The following LRRC4C variants were observed in gnomAD, a reference collection of about 807,000 sequenced individuals.
LRRC4C encodes the protein leucine rich repeat containing 4C, also known as leucine-rich repeat-containing protein 4C.
A neutral mutation model predicts 33.6 loss-of-function variants in LRRC4C; 5 were observed. The observed-to-expected ratio is 0.15, with a 90% CI of 0.08 to 0.31. The LOEUF is 0.31. LRRC4C is among the 10% of genes least tolerant of loss of function. LRRC4C has a pLI of 1.00. For synonymous variants in LRRC4C, 329 were observed against 302.0 expected (o/e 1.09, Z -0.93); for missense variants, 560 against 796.7 (o/e 0.70, Z 3.58).
At chr11:41,064,745 G>C (rs184629530) in intron 1 of LRRC4C, among the ~76,000 whole-genome samples, 1 of 152,224 alleles carries the variant, frequency 6.6e-6, no homozygotes, top group African/African-American at 2.4e-5. Context: ...ACTGAGACTA[G>C]TTAGGCAATG....
chr11:40,635,769 T>C (rs1226362676), intron 3 of LRRC4C, among the ~76,000 whole-genome samples: 1 of 151,018 alleles, frequency 6.6e-6, no homozygotes, highest in Non-Finnish European at 1.5e-5. Flanking sequence ...TCCGAGTAGC[T>C]GGGACTACAG....
chr11:40,998,319 A>G (rs1159822874), intron 1 of LRRC4C, among the ~76,000 whole-genome samples: 1 of 152,092 alleles, frequency 6.6e-6, no homozygotes, highest in African/African-American at 2.4e-5. Flanking sequence ...GAAATGTGAC[A>G]TTGGTGAAAT....
chr11:40,180,101 C>T (rs1393662312), intron 5 of LRRC4C, among the ~76,000 whole-genome samples: 6 of 152,134 alleles, frequency 3.9e-5, no homozygotes, highest in Non-Finnish European at 8.8e-5. Context: ...AAAACTACTA[C>T]AGAAGTAATT....
intron 3 of LRRC4C, among the ~76,000 whole-genome samples, chr11:40,618,106 A>G (rs1162514693): frequency 6.6e-6 from 1 of 151,708 alleles, no homozygotes; most frequent in Admixed American, 6.6e-5. Context: ...TTCAAAGTTC[A>G]TATCTATTTA....
At position 40,662,778 on chromosome 11, in the gene LRRC4C, C is replaced by T. The variant is rs369972151; in HGVS notation, c.-406-14500G>A. Among the ~76,000 whole-genome samples the T allele has an allele frequency of 3.6e-4, 55 of 152,330 alleles. No individual in the cohort carries two copies. The East Asian group carries it at 7.3e-3, about 20-fold the overall frequency. On this transcript the variant is annotated intron_variant, in intron 2 of 6. Transcript: ENST00000528697. ...TGTGCAAGTTGTTTAACCACTACAACTCAGTTGCTTCATCATTCAAAAGGG... is the reference window on the plus strand; with the variant it reads ...TGTGCAAGTTGTTTAACCACTACAATTCAGTTGCTTCATCATTCAAAAGGG...
intron 3 of LRRC4C, among the ~76,000 whole-genome samples, chr11:40,444,784 T>C (rs745741789): frequency 3.9e-5 from 6 of 152,194 alleles, no homozygotes; most frequent in Non-Finnish European, 8.8e-5. Context: ...ACAAGGACTG[T>C]CAAATTCTCT....
chr11:40,444,628 A>G (rs1951548963), intron 3 of LRRC4C, among the ~76,000 whole-genome samples: 1 of 152,122 alleles, frequency 6.6e-6, no homozygotes, highest in South Asian at 2.1e-4. Context: ...ATAAAGATTT[A>G]CTTTATTCTC....
At chr11:40,522,593 CTAAGA>C (rs140419151) in intron 3 of LRRC4C, among the ~76,000 whole-genome samples, 9,810 of 152,170 alleles carry the variant, frequency 0.064, 825 homozygotes, top group African/African-American at 0.2. Flanking sequence ...TGAAATGTGG[CTAAGA>C]TAACTGAAGA....
chr11:40,726,539 T>C (rs2136732353), intron 2 of LRRC4C, among the ~76,000 whole-genome samples: 1 of 152,226 alleles, frequency 6.6e-6, no homozygotes, highest in African/African-American at 2.4e-5. Context: ...CAGAAAAGCT[T>C]TCTGTAAAAT....
intron 1 of LRRC4C, among the ~76,000 whole-genome samples, chr11:40,994,874 T>G (rs1454809735): frequency 1.3e-5 from 2 of 152,040 alleles, no homozygotes; most frequent in African/African-American, 4.8e-5. Context: ...CTTAAGCATC[T>G]TGTCCTTCCC....
intron 1 of LRRC4C, among the ~76,000 whole-genome samples, chr11:41,061,352 A>T (rs1367776855): frequency 6.6e-6 from 1 of 152,188 alleles, no homozygotes; most frequent in African/African-American, 2.4e-5. Context: ...ATGTTAATAG[A>T]TGTCATATGA....
At chr11:41,033,655 G>A (rs1420582754) in intron 1 of LRRC4C, among the ~76,000 whole-genome samples, 1 of 152,014 alleles carries the variant, frequency 6.6e-6, no homozygotes, top group African/African-American at 2.4e-5. Context: ...GCAGTGCCCA[G>A]AGTTGTTTTA....
chr11:40,588,084 T>C (rs368849397), intron 3 of LRRC4C, among the ~76,000 whole-genome samples: 92 of 151,770 alleles, frequency 6.1e-4, no homozygotes, highest in Non-Finnish European at 1.1e-3. Flanking sequence ...TGGTAGAATT[T>C]GGCTGTGAAT....
intron 3 of LRRC4C, among the ~76,000 whole-genome samples, chr11:40,520,423 T>C (rs985677189): frequency 6.6e-6 from 1 of 152,226 alleles, no homozygotes; most frequent in African/African-American, 2.4e-5. Context: ...CTTGAATACT[T>C]ACTGATTATT....
chr11:40,246,256 A>G (rs2034637), intron 4 of LRRC4C, among the ~76,000 whole-genome samples: 113,436 of 152,078 alleles, frequency 0.75, 46,247 homozygotes, highest in East Asian at 0.96. Flanking sequence ...TTACAGGCAT[A>G]AGCCACCATG....
chr11:41,106,549 A>G (rs1941506646), intron 1 of LRRC4C, among the ~76,000 whole-genome samples: 4 of 152,110 alleles, frequency 2.6e-5, no homozygotes, highest in African/African-American at 7.2e-5. Flanking sequence ...TCATAAGTCT[A>G]TGTTGTCACA....
intron 1 of LRRC4C, among the ~76,000 whole-genome samples, chr11:41,175,617 T>C (rs1945164815): frequency 6.6e-6 from 1 of 152,012 alleles, no homozygotes; most frequent in African/African-American, 2.4e-5. Flanking sequence ...CACCCTTAAC[T>C]TCAAGAGGGT....
chr11:41,214,731 CAGA>C (rs1434070063), intron 1 of LRRC4C, among the ~76,000 whole-genome samples: 4 of 147,330 alleles, frequency 2.7e-5, no homozygotes, highest in African/African-American at 1.0e-4. Context: ...GCCTGGGCGA[CAGA>C]GCCAGACTCC....
At chr11:41,094,816 T>C (rs558056035) in intron 1 of LRRC4C, among the ~76,000 whole-genome samples, 1 of 152,188 alleles carries the variant, frequency 6.6e-6, no homozygotes, top group East Asian at 1.9e-4. Context: ...TCAATATTTA[T>C]TGAATAGATA....
Sources: gnomAD v4.1 joint callset for allele counts (sites outside exome capture counted in the v4.1 genomes callset) on GRCh38, gnomAD v4.1.1 for gene constraint, MANE v1.5 for transcripts, NCBI Gene and HGNC (gene_info 2026-07-23, HGNC 2026-07-21) for gene names.